Variants in CSMD1 observed in about 807,000 individuals in gnomAD.
CSMD1 encodes the protein CUB and sushi domain-containing protein 1.
CSMD1 carries 213 observed loss-of-function variants against 417.5 expected under a neutral mutation model. The observed-to-expected ratio is 0.51, with a 90% confidence interval of 0.46 to 0.57. The LOEUF (loss-of-function observed/expected upper bound fraction) is 0.57, where lower values mean the gene tolerates loss of function less well. CSMD1 is among the 20% of genes least tolerant of loss of function. The probability of loss-of-function intolerance (pLI) is 0.00; values close to 1 mark genes in which losing one functional copy is unlikely to be tolerated. For missense variants in CSMD1, 6,923 were observed against 4,529.7 expected (o/e 1.53, Z -15.17); for synonymous variants, 2,862 against 1,736.8 (o/e 1.65, Z -16.11).
At chr8:3,623,592 T>G (rs892705159) in intron 7 of CSMD1, among the ~76,000 whole-genome samples, 2 of 152,196 alleles carry the variant, frequency 1.3e-5, no homozygotes, top group African/African-American at 4.8e-5. Flanking sequence ...TTTACATATG[T>G]TTTTAAATGT....
rs146965769 is a variant in CSMD1, at chr8:3,268,008, C to T, written c.4153+16136G>A. ...TCATTGCCCTGTGTGGGCTCAGTTG[C>T]CTCTGTCTGCCCTTCCTGGTAGTTT... is the stretch of plus-strand genomic sequence containing the variant. On this transcript the variant is annotated intron_variant, in intron 26 of 69. Transcript: ENST00000635120. 1.2e-3 allele frequency among the ~76,000 whole-genome samples: 177 copies of T among 152,236 alleles called. 1 individual carries two copies. The highest frequency in any genetic ancestry group is 4.2e-3 in the African/African-American group (173 of 41,556).
intron 1 of CSMD1, among the ~76,000 whole-genome samples, chr8:4,710,964 G>A (rs903922662): frequency 1.3e-5 from 2 of 152,024 alleles, no homozygotes; most frequent in Non-Finnish European, 2.9e-5. Context: ...ACAAATGATG[G>A]TGCTCTTGGA....
At chr8:4,784,757 G>C (rs138416740) in intron 1 of CSMD1, among the ~76,000 whole-genome samples, 2 of 152,308 alleles carry the variant, frequency 1.3e-5, no homozygotes, top group East Asian at 3.9e-4. Context: ...TATCTGCAAA[G>C]ATCTTAAACA....
intron 2 of CSMD1, among the ~76,000 whole-genome samples, chr8:4,571,950 T>G (rs1798913899): frequency 6.6e-6 from 1 of 152,220 alleles, no homozygotes; most frequent in African/African-American, 2.4e-5. Context: ...AACCCATGCT[T>G]ATTTTTTGCT....
chr8:4,028,004 A>G (rs1351049881), intron 4 of CSMD1, among the ~76,000 whole-genome samples: 1 of 152,234 alleles, frequency 6.6e-6, no homozygotes, highest in Non-Finnish European at 1.5e-5. Flanking sequence ...CAATTAATTG[A>G]GAACAGTCTG....
chr8:4,414,574 C>A (rs976158033), intron 3 of CSMD1, among the ~76,000 whole-genome samples: 8 of 152,004 alleles, frequency 5.3e-5, no homozygotes, highest in Non-Finnish European at 1.2e-4. Flanking sequence ...CATATAATCT[C>A]TTTATCTTTA....
intron 3 of CSMD1, among the ~76,000 whole-genome samples, chr8:4,176,647 G>A (rs1378329666): frequency 1.3e-5 from 2 of 151,660 alleles, no homozygotes; most frequent in African/African-American, 4.9e-5. Flanking sequence ...ATTGGATAAA[G>A]AGTCAAGACC....
intron 5 of CSMD1, among the ~76,000 whole-genome samples, chr8:3,959,064 T>C (rs1417361707): frequency 3.3e-5 from 5 of 152,186 alleles, no homozygotes; most frequent in African/African-American, 4.8e-5. Context: ...CCCAGCACCA[T>C]GTTTCTCAAG....
chr8:3,183,565 C>A (rs1292911647), intron 36 of CSMD1, among the ~76,000 whole-genome samples: 1 of 135,302 alleles, frequency 7.4e-6, no homozygotes, highest in Non-Finnish European at 1.6e-5. Context: ...TCGAGTAGGT[C>A]TCTAACGCCT....
At chr8:3,750,633 G>T (rs1797291883) in intron 6 of CSMD1, among the ~76,000 whole-genome samples, 2 of 152,092 alleles carry the variant, frequency 1.3e-5, no homozygotes, top group African/African-American at 4.8e-5. Context: ...AGACAAGAGG[G>T]AAGATTCAGC....
chr8:4,370,645 T>C (rs1313266307), intron 3 of CSMD1, among the ~76,000 whole-genome samples: 1 of 152,244 alleles, frequency 6.6e-6, no homozygotes, highest in Non-Finnish European at 1.5e-5. Flanking sequence ...AATTCATTTT[T>C]AATTTTTGTA....
At chr8:3,598,145 C>A (rs1801181069) in intron 8 of CSMD1, among the ~76,000 whole-genome samples, 1 of 152,108 alleles carries the variant, frequency 6.6e-6, no homozygotes, top group Non-Finnish European at 1.5e-5. Context: ...TTTAACAAAA[C>A]TAAGTAGGAC....
At chr8:4,503,145 T>G (rs1802345157) in intron 2 of CSMD1, among the ~76,000 whole-genome samples, 1 of 152,166 alleles carries the variant, frequency 6.6e-6, no homozygotes, top group African/African-American at 2.4e-5. Context: ...TTTTTTTACG[T>G]GAAGTGTGCT....
chr8:4,174,468 G>A (rs879696464), intron 3 of CSMD1, among the ~76,000 whole-genome samples: 2 of 151,588 alleles, frequency 1.3e-5, no homozygotes, highest in Non-Finnish European at 1.5e-5. Flanking sequence ...TAAATAATAG[G>A]TTTGGAAGGT....
intron 5 of CSMD1, among the ~76,000 whole-genome samples, chr8:3,922,344 G>C (rs1050734167): frequency 6.6e-6 from 1 of 151,150 alleles, no homozygotes; most frequent in Admixed American, 6.6e-5. Flanking sequence ...TCTGTCTTTG[G>C]ATTAAAAAAA....
chr8:4,143,496 G>A (rs71523613), intron 3 of CSMD1, among the ~76,000 whole-genome samples: 1 of 150,130 alleles, frequency 6.7e-6, no homozygotes, highest in African/African-American at 2.5e-5. Context: ...GTTAAAGCTG[G>A]TTAAACTAAA....
chr8:4,061,372 T>C lies in CSMD1; in HGVS notation c.416-29273A>G, dbSNP rs180973211. The stretch of plus-strand genomic sequence containing the variant: ...AAAAGTAGAAGTAAAAATTAAAAAA[T>C]GAAATGAAGTAAGTGCACAACAGAT... On this transcript the variant is annotated intron_variant, in intron 3 of 69. Coordinates refer to ENST00000635120, the MANE Select transcript of CSMD1 (RefSeq NM_033225.6). 2.3e-4 allele frequency among the ~76,000 whole-genome samples: 35 copies of C among 152,260 alleles called. No homozygotes were observed. In the East Asian group the frequency reaches 6.2e-3, roughly 27 times the overall value.
chr8:3,081,665 G>A (rs939168760), intron 49 of CSMD1, among the ~76,000 whole-genome samples: 1 of 152,156 alleles, frequency 6.6e-6, no homozygotes, highest in Non-Finnish European at 1.5e-5. Flanking sequence ...TACTGTCAGA[G>A]TCTAAACTGT....
intron 3 of CSMD1, among the ~76,000 whole-genome samples, chr8:4,133,020 G>A (rs996857053): frequency 1.3e-5 from 2 of 152,020 alleles, no homozygotes; most frequent in African/African-American, 4.8e-5. Flanking sequence ...TGCAACCTCC[G>A]ACTCCCGGGT....
Sources: gnomAD v4.1 joint callset for allele counts (sites outside exome capture counted in the v4.1 genomes callset) on GRCh38, gnomAD v4.1.1 for gene constraint, MANE v1.5 for transcripts, NCBI Gene and HGNC (gene_info 2026-07-23, HGNC 2026-07-21) for gene names.